YWHAG: variants seen among roughly 807,000 people sequenced by gnomAD.
The protein encoded by YWHAG is tyrosine 3-monooxygenase/tryptophan 5-monooxygenase activation protein gamma.
In YWHAG, 1 loss-of-function variant was observed where a neutral mutation model predicts 23.3. That is an observed-to-expected ratio of 0.04 (90% CI 0.02 to 0.20). The LOEUF (loss-of-function observed/expected upper bound fraction) is 0.20, where lower values mean the gene tolerates loss of function less well. Among genes scored for constraint, YWHAG ranks in the 10% least tolerant of loss-of-function variants. YWHAG has a pLI of 1.00. For synonymous variants in YWHAG, 160 were observed against 144.0 expected, an observed-to-expected ratio of 1.11 and a Z score of -0.80; for missense variants, 151 against 338.6, an observed-to-expected ratio of 0.45 and a Z score of 4.35.
At position 76,329,489 on chromosome 7, in the gene YWHAG, T is replaced by TTCCCCCCCC; in HGVS notation, c.*87_*88insGGGGGGGGA. ...TCCCTGGGAAGGTCATCCCTCCCTT[T>TTCCCCCCCC]CCCTCCCCCACCCGACCCCCAACTC... On this transcript the variant is annotated 3_prime_UTR_variant, in exon 2 of 2. Transcript: ENST00000307630. This position sits in a 1 kb window ranked among gnomAD's most constrained non-coding sequence, Gnocchi z 6.1. 1 of 1,024,226 alleles carries TTCCCCCCCC rather than the reference T, an allele frequency of 9.8e-7. No individual in the cohort carries two copies. The highest frequency in any genetic ancestry group is 1.4e-6 in the Non-Finnish European group (1 of 740,080). 63.4% of individuals were successfully genotyped at this position (1,024,226 alleles called of 1,614,324 possible).
chr7:76,334,553 C>A (rs974883260), intron 1 of YWHAG, among the ~76,000 whole-genome samples: 1 of 151,098 alleles, frequency 6.6e-6, no homozygotes, highest in Non-Finnish European at 1.5e-5. Flanking sequence ...GAAGCTGGGA[C>A]TACAGGCATC....
Position 76,328,023 on chromosome 7 carries a change from CAAAG to C in YWHAG, c.*1550_*1553del, listed in dbSNP as rs962297119. The C allele has an allele frequency of 3.3e-5, 5 of 151,972 alleles. No homozygotes were observed. The highest frequency in any genetic ancestry group is 2.1e-4 in the South Asian group (1 of 4,830). 9.4% of individuals were successfully genotyped at this position (151,972 alleles called of 1,614,324 possible). On this transcript the variant is annotated 3_prime_UTR_variant, in exon 2 of 2. Coordinates refer to ENST00000307630, the MANE Select transcript of YWHAG (RefSeq NM_012479.4). The stretch of plus-strand genomic sequence containing the variant: ...CACACCTCTTCTTGCCTAAATAAAA[CAAAG>C]AAACAAAGAAAACAAGTGTGGTGTC...
At chr7:76,348,433 T>C (rs1803820222) in intron 1 of YWHAG, among the ~76,000 whole-genome samples, 1 of 150,552 alleles carries the variant, frequency 6.6e-6, no homozygotes, top group Non-Finnish European at 1.5e-5. Context: ...TTTTTTTTTT[T>C]TTTTTTTTGA....
chr7:76,342,029 G>T (rs1377734376), intron 1 of YWHAG, among the ~76,000 whole-genome samples: 3 of 152,080 alleles, frequency 2.0e-5, no homozygotes, highest in Admixed American at 1.3e-4. Flanking sequence ...TTAATACATG[G>T]ACTTACACAC....
chr7:76,337,031 G>A (rs763985481), intron 1 of YWHAG, among the ~76,000 whole-genome samples: 10 of 152,310 alleles, frequency 6.6e-5, no homozygotes, highest in Non-Finnish European at 1.5e-4. Context: ...CAACTCGTTC[G>A]AAAGACAACC....
intron 1 of YWHAG, among the ~76,000 whole-genome samples, chr7:76,340,711 T>A (rs1803679606): frequency 6.6e-6 from 1 of 152,128 alleles, no homozygotes; most frequent in Admixed American, 6.6e-5. Flanking sequence ...TTTATAATAA[T>A]CTCTCCTCAA....
rs1803481546 is a variant in YWHAG at position 76,328,185 on chromosome 7, T to C, written c.*1392A>G. ...GGGCCTTAAGGCTGCCGAAAACAAA[T>C]GGGTGGAAATAGCAACGTTGTTTCC... On this transcript the variant is annotated 3_prime_UTR_variant, in exon 2 of 2. Transcript: ENST00000307630. The C allele has an allele frequency of 6.6e-6, 1 of 152,028 alleles. No individual in the cohort carries two copies. Among genetic ancestry groups the C allele is most frequent in the Non-Finnish European group, 1.5e-5 (1 of 68,008 alleles). 9.4% of individuals were successfully genotyped at this position (152,028 alleles called of 1,614,324 possible). A position where few individuals can be genotyped will look rare whatever the true frequency, so the allele number is the denominator to read the frequency against.
chr7:76,338,239 GAACT>G (rs1367159906), intron 1 of YWHAG, among the ~76,000 whole-genome samples: 2 of 152,162 alleles, frequency 1.3e-5, no homozygotes, highest in Admixed American at 1.3e-4. Context: ...TTTTAATTAG[GAACT>G]AACAACTTTA....
intron 1 of YWHAG, among the ~76,000 whole-genome samples, chr7:76,346,740 A>T (rs1803784479): frequency 6.6e-6 from 1 of 152,058 alleles, no homozygotes; most frequent in South Asian, 2.1e-4. Flanking sequence ...TGTCCTACTC[A>T]GTTTCCACAC....
At chr7:76,353,694 G>GA (rs895578112) in intron 1 of YWHAG, among the ~76,000 whole-genome samples, 2 of 152,162 alleles carry the variant, frequency 1.3e-5, no homozygotes, top group Non-Finnish European at 2.9e-5. Context: ...GGAAGATACA[G>GA]AAAAATAATT....
intron 1 of YWHAG, among the ~76,000 whole-genome samples, chr7:76,349,314 G>A (rs1803835699): frequency 6.7e-6 from 1 of 150,012 alleles, no homozygotes; most frequent in African/African-American, 2.5e-5. Context: ...ACTCCAGCCT[G>A]GGCGACAGAG....
chr7:76,343,225 T>C (rs971950438), intron 1 of YWHAG, among the ~76,000 whole-genome samples: 8 of 150,498 alleles, frequency 5.3e-5, no homozygotes, highest in African/African-American at 1.7e-4. Flanking sequence ...TATTAAGGTA[T>C]CTACTGGGTG....
intron 1 of YWHAG, among the ~76,000 whole-genome samples, chr7:76,341,019 ATG>A (rs1803685129): frequency 6.6e-6 from 1 of 152,160 alleles, no homozygotes; most frequent in Admixed American, 6.5e-5. Context: ...GACTACAGGC[ATG>A]TGCCACCAAA....
intron 1 of YWHAG, among the ~76,000 whole-genome samples, chr7:76,336,745 G>C (rs2860220): frequency 0.62 from 92,757 of 150,494 alleles, 29,593 homozygotes; most frequent in East Asian, 0.94. Flanking sequence ...CGTGAGCCAC[G>C]GTGCCCGGTC....
In YWHAG at chr7:76,329,808, G is replaced by T; in HGVS notation, c.513C>A (p.Ile171=). The change falls in exon 2 of 2, where the codon ATC becomes ATA. Residue 171 remains isoleucine, a synonymous_variant. Transcript: ENST00000307630. The surrounding 1 kb of genome is among the most constrained non-coding windows in gnomAD (Gnocchi z 6.1). Reference sequence around the variant, plus strand: ...AGTAGTTAAGAGCCAGGCCTAATCGGATGGGGTGGGTGGGCTGCATGTGCT... The same window carrying T: ...AGTAGTTAAGAGCCAGGCCTAATCGTATGGGGTGGGTGGGCTGCATGTGCT... ...SKEHMQPTHP[I]RLGLALNYSV... is the part of the protein sequence containing the mutation. 1 of 1,613,928 alleles carries T rather than the reference G, an allele frequency of 6.2e-7. No individual in the cohort carries two copies. Among genetic ancestry groups the T allele is most frequent in the Non-Finnish European group, 8.5e-7 (1 of 1,179,996 alleles).
chr7:76,343,808 C>G (rs1803735355), intron 1 of YWHAG, among the ~76,000 whole-genome samples: 1 of 152,294 alleles, frequency 6.6e-6, no homozygotes, highest in African/African-American at 2.4e-5. Flanking sequence ...CGTGAAGAAG[C>G]CTGGGTTAAC....
chr7:76,337,842 G>A (rs1284978127), intron 1 of YWHAG, among the ~76,000 whole-genome samples: 1 of 152,084 alleles, frequency 6.6e-6, no homozygotes, highest in Non-Finnish European at 1.5e-5. Flanking sequence ...GACCCCATTT[G>A]CTGATTGAGC....
intron 1 of YWHAG, among the ~76,000 whole-genome samples, chr7:76,343,576 G>C (rs750173674): frequency 2.0e-5 from 3 of 152,054 alleles, no homozygotes; most frequent in Admixed American, 6.5e-5. Context: ...TTTCAAAAAG[G>C]GTCCTAGTAA....
At chr7:76,330,857 C>T (rs549342526) in intron 1 of YWHAG, among the ~76,000 whole-genome samples, 18 of 152,240 alleles carry the variant, frequency 1.2e-4, no homozygotes, top group African/African-American at 3.9e-4. Context: ...AAGAACGAGG[C>T]GAGCACAGCG....
Sources: allele counts gnomAD v4.1 joint callset (sites outside exome capture counted in the v4.1 genomes callset), GRCh38; gene constraint gnomAD v4.1.1; non-coding constraint Gnocchi (gnomAD v3.1); transcripts MANE v1.5; gene names NCBI Gene and HGNC (gene_info 2026-07-23, HGNC 2026-07-21).